Variants in KLF3 observed in about 807,000 individuals in gnomAD.
The protein encoded by KLF3 is Krueppel-like factor 3.
A neutral mutation model predicts 32.7 loss-of-function variants in KLF3; 6 were observed. The ratio of observed to expected loss-of-function variants is 0.18; its 90% CI spans 0.10 to 0.36. The LOEUF is 0.36. KLF3 is among the 10% of genes least tolerant of loss of function. The pLI, the probability that KLF3 is intolerant of heterozygous loss-of-function variation, is 1.00. For synonymous variants in KLF3, 145 were observed against 172.8 expected, an observed-to-expected ratio of 0.84 and a Z score of 1.26; for missense variants, 338 against 449.7, an observed-to-expected ratio of 0.75 and a Z score of 2.25.
Position 38,700,235 on chromosome 4 carries a change from T to G in KLF3, c.*2972T>G, listed in dbSNP as rs1270968544. On this transcript the variant is annotated 3_prime_UTR_variant, in exon 6 of 6. Coordinates refer to ENST00000261438, the MANE Select transcript of KLF3 (RefSeq NM_016531.6). ...AAATACACAGAAGTTTCAAGAGCCT[T>G]GGAACAGAATTACAGGGGAACTATA... 1 of 152,200 alleles carries G rather than the reference T, an allele frequency of 6.6e-6. No homozygotes were observed. The highest frequency in any genetic ancestry group is 1.9e-4 in the East Asian group (1 of 5,200). The allele number at this position is 152,200 out of a possible 1,614,324, so 9.4% of individuals were successfully genotyped here. A position where few individuals can be genotyped will look rare whatever the true frequency, so the allele number is the denominator to read the frequency against.
chr4:38,665,067 C>T (rs1721982298), intron 1 of KLF3, among the ~76,000 whole-genome samples: 1 of 151,288 alleles, frequency 6.6e-6, no homozygotes, highest in Non-Finnish European at 1.5e-5. Context: ...GGAGCAGTCT[C>T]CCGGCCCTCT....
At position 38,697,987 on chromosome 4, in the gene KLF3, T is replaced by A. The variant is rs963093828; in HGVS notation, c.*724T>A. 1.3e-5 allele frequency: 2 copies of A among 152,104 alleles called. No homozygotes were observed. Among genetic ancestry groups the A allele is most frequent in the Non-Finnish European group, 2.9e-5 (2 of 68,054 alleles). The allele number at this position is 152,104 out of a possible 1,614,324, so 9.4% of individuals were successfully genotyped here. On this transcript the variant is annotated 3_prime_UTR_variant, in exon 6 of 6. Coordinates refer to ENST00000261438, the MANE Select transcript of KLF3 (RefSeq NM_016531.6). ...GCATGGAGTCGGAGGAGAGGGCCAT[T>A]TAGCAGGGGGAGCAGAAGAGGCAAT... is the stretch of plus-strand genomic sequence containing the variant.
In KLF3 at chr4:38,688,761, G is replaced by C; in HGVS notation, c.234G>C (p.Ser78=). 1.9e-6 allele frequency: 3 copies of C among 1,614,146 alleles called. No individual in the cohort carries two copies. The highest frequency in any genetic ancestry group is 2.5e-6 in the Non-Finnish European group (3 of 1,180,022). Reference sequence around the variant, plus strand: ...GTTCACCCCCTTCGGCTGGGAATTCGCCCTCCTCTCTGAAGTTCCCGTCCT... The same window carrying C: ...GTTCACCCCCTTCGGCTGGGAATTCCCCCTCCTCTCTGAAGTTCCCGTCCT... ...KRSSPPSAGN[S]PSSLKFPSSH... Residue 78 remains serine (S), a synonymous_variant, in exon 3 of 6, where the codon TCG becomes TCC. Coordinates refer to ENST00000261438, the MANE Select transcript of KLF3 (RefSeq NM_016531.6). The surrounding 1 kb of genome is among the most constrained non-coding windows in gnomAD (Gnocchi z 4.9).
intron 4 of KLF3, 122 bp from the exon 5 acceptor site, chr4:38,694,624 G>A (rs539945448): frequency 5.8e-6 from 5 of 864,616 alleles, no homozygotes; most frequent in Non-Finnish European, 8.7e-6. Context: ...ATTTCTTTTT[G>A]TTTATTTTGT....
rs748083085 is a variant in KLF3, at chr4:38,688,733, G to A, written c.206G>A (p.Arg69Gln). The change falls in exon 3 of 6, where the codon CGG (arginine) becomes CAG (glutamine). Residue 69 changes from arginine (R) to glutamine (Q), a missense_variant. Arg to Gln is a conservative substitution (Grantham distance 43). Coordinates refer to ENST00000261438, the MANE Select transcript of KLF3 (RefSeq NM_016531.6). The surrounding 1 kb of genome is among the most constrained non-coding windows in gnomAD (Gnocchi z 4.9). Reference sequence around the variant, plus strand: ...CCAGTGGACCTCACGGTGAACAAGCGGAGTTCACCCCCTTCGGCTGGGAAT... The same window carrying A: ...CCAGTGGACCTCACGGTGAACAAGCAGAGTTCACCCCCTTCGGCTGGGAAT... ...MEPVDLTVNK[R>Q]SSPPSAGNSP... is the part of the protein sequence containing the mutation. The A allele has an allele frequency of 2.1e-5, 34 of 1,614,026 alleles. No homozygotes were observed. The highest frequency in any genetic ancestry group is 8.9e-5 in the East Asian group (4 of 44,892).
chr4:38,686,541 C>T lies in KLF3; in HGVS notation c.58-2044C>T, dbSNP rs568130956. Among the ~76,000 whole-genome samples the T allele has an allele frequency of 5.5e-4, 84 of 151,352 alleles. No individual in the cohort carries two copies. The South Asian group carries it at 0.015, about 28-fold the overall frequency. On this transcript the variant is annotated intron_variant, in intron 2 of 5. Coordinates refer to ENST00000261438, the MANE Select transcript of KLF3 (RefSeq NM_016531.6). ...TTTATCTCTGTCATTTAGAGCATTG[C>T]TATTCAAAAGGTAGCCTAAGTTCCC...
intron 2 of KLF3, among the ~76,000 whole-genome samples, chr4:38,685,078 C>T (rs532458614): frequency 7.9e-5 from 12 of 152,268 alleles, no homozygotes; most frequent in African/African-American, 2.2e-4. Flanking sequence ...CCAGTACAGC[C>T]GTGCTTGTAT....
In KLF3 at chr4:38,697,252, A is replaced by G. The variant is rs764287640; in HGVS notation, c.1027A>G (p.Met343Val). The change falls in exon 6 of 6, where the codon ATG becomes GTG. Residue 343 changes from methionine (M) to valine (V), a missense_variant. Coordinates refer to ENST00000261438, the MANE Select transcript of KLF3 (RefSeq NM_016531.6). ...DHLALHRKRH[M>V]LV The stretch of plus-strand genomic sequence containing the variant: ...TCTTGCCCTCCATAGGAAACGCCAC[A>G]TGCTAGTCTGATTGCCTCTGTGTCC... 1.9e-6 allele frequency: 3 copies of G among 1,609,780 alleles called. No individual in the cohort carries two copies. The highest frequency in any genetic ancestry group is 2.2e-5 in the East Asian group (1 of 44,790).
At chr4:38,683,701 A>G (rs1392617888) in intron 2 of KLF3, among the ~76,000 whole-genome samples, 2 of 152,196 alleles carry the variant, frequency 1.3e-5, no homozygotes, top group Non-Finnish European at 1.5e-5. Flanking sequence ...CAAGGAAACA[A>G]ATTGTAAAAA....
intron 1 of KLF3, among the ~76,000 whole-genome samples, chr4:38,672,729 T>C (rs1358694854): frequency 6.6e-6 from 1 of 151,790 alleles, no homozygotes; most frequent in African/African-American, 2.4e-5. Context: ...TGGAGAAGGA[T>C]GGGATGAGAA....
intron 1 of KLF3, among the ~76,000 whole-genome samples, chr4:38,675,397 C>A (rs1054810928): frequency 2.0e-5 from 3 of 151,870 alleles, no homozygotes; most frequent in African/African-American, 4.8e-5. Flanking sequence ...CCTTCCCCCC[C>A]CTTTTGGATG....
intron 4 of KLF3, among the ~76,000 whole-genome samples, chr4:38,693,362 G>A (rs1247688043): frequency 4.7e-5 from 7 of 148,652 alleles, no homozygotes; most frequent in African/African-American, 1.5e-4. Context: ...AAAAAAAAAA[G>A]CATGAGAAGT....
rs1174596754 is a variant in KLF3 at position 38,697,268 on chromosome 4, C to G, written c.*5C>G. 1.3e-6 allele frequency: 2 copies of G among 1,597,662 alleles called. No individual in the cohort carries two copies. The stretch of plus-strand genomic sequence containing the variant: ...AAACGCCACATGCTAGTCTGATTGC[C>G]TCTGTGTCCTGCCTCAGCGTGACTC... On this transcript the variant is annotated 3_prime_UTR_variant, in exon 6 of 6. Coordinates refer to ENST00000261438, the MANE Select transcript of KLF3 (RefSeq NM_016531.6).
intron 1 of KLF3, among the ~76,000 whole-genome samples, chr4:38,676,878 G>A (rs967445941): frequency 6.6e-5 from 10 of 150,814 alleles, no homozygotes; most frequent in Non-Finnish European, 1.2e-4. Context: ...TTACTTTGAG[G>A]TACATTTCTG....
intron 2 of KLF3, among the ~76,000 whole-genome samples, chr4:38,683,634 T>A (rs1169844004): frequency 6.6e-6 from 1 of 152,070 alleles, no homozygotes; most frequent in Admixed American, 6.5e-5. Flanking sequence ...ACATAAATTT[T>A]TTTTTTTACC....
chr4:38,664,631 A>G (rs1424616639), intron 1 of KLF3, 170 bp downstream of exon 1: 1 of 150,386 alleles, frequency 6.6e-6, no homozygotes, highest in African/African-American at 2.4e-5. Context: ...TGGCGGCTAC[A>G]CTTAGCCGGG....
intron 1 of KLF3, among the ~76,000 whole-genome samples, chr4:38,668,542 A>T (rs1722108053): frequency 6.6e-6 from 1 of 152,226 alleles, no homozygotes; most frequent in African/African-American, 2.4e-5. Context: ...TTGGCTACTG[A>T]TAACCTTCTA....
intron 1 of KLF3, among the ~76,000 whole-genome samples, chr4:38,673,203 C>A (rs1171324063): frequency 6.6e-6 from 1 of 152,172 alleles, no homozygotes; most frequent in Non-Finnish European, 1.5e-5. Flanking sequence ...AGATTCTAAC[C>A]ATCCCTGTTC....
At chr4:38,673,295 CATGG>C (rs1722253480) in intron 1 of KLF3, among the ~76,000 whole-genome samples, 1 of 152,184 alleles carries the variant, frequency 6.6e-6, no homozygotes, top group African/African-American at 2.4e-5. Flanking sequence ...GGTGGGGCCC[CATGG>C]GTGGAGGCTC....
Sources: allele counts gnomAD v4.1 joint callset (sites outside exome capture counted in the v4.1 genomes callset), GRCh38; gene constraint gnomAD v4.1.1; non-coding constraint Gnocchi (gnomAD v3.1); transcripts MANE v1.5; gene names NCBI Gene and HGNC (gene_info 2026-07-23, HGNC 2026-07-21).